The following COL8A1 variants were observed in gnomAD, a reference collection of about 807,000 sequenced individuals.
COL8A1 encodes the protein collagen type VIII alpha 1 chain.
In COL8A1, 21 loss-of-function variants were observed where a neutral mutation model predicts 42.7. The ratio of observed to expected loss-of-function variants is 0.49; its 90% CI spans 0.35 to 0.71. The LOEUF (loss-of-function observed/expected upper bound fraction) is 0.71. Ranked by LOEUF, COL8A1 falls within the 30% of genes least tolerant of loss-of-function variation. The probability of loss-of-function intolerance (pLI) is 0.01; values close to 1 mark genes in which losing one functional copy is unlikely to be tolerated. For synonymous variants in COL8A1, 367 were observed against 369.1 expected (o/e 0.99, Z 0.06); for missense variants, 788 against 962.4 (o/e 0.82, Z 2.40).
rs1241409228 is a variant in COL8A1 at position 99,660,505 on chromosome 3, C to T, written c.-129+21841C>T. Among the ~76,000 whole-genome samples, 4 of 152,110 alleles carry T rather than the reference C, an allele frequency of 2.6e-5. No homozygotes were observed. In the South Asian group the frequency reaches 6.2e-4, roughly 24 times the overall value. Reference sequence around the variant, plus strand: ...GCCTAGCCTTTCCAGCCCCTAAAACCGGAAGTCTGTGGTGGTGCAAGGGGG... The same window carrying T: ...GCCTAGCCTTTCCAGCCCCTAAAACTGGAAGTCTGTGGTGGTGCAAGGGGG... On this transcript the variant is annotated intron_variant, in intron 1 of 3. Coordinates refer to ENST00000652472, the MANE Select transcript of COL8A1 (RefSeq NM_020351.4).
At chr3:99,733,088 G>A (rs1289453985) in intron 1 of COL8A1, among the ~76,000 whole-genome samples, 1 of 149,054 alleles carries the variant, frequency 6.7e-6, no homozygotes, top group South Asian at 2.1e-4. Flanking sequence ...CTGTGGCTTT[G>A]CAGGGTACAG....
At chr3:99,763,311 A>G (rs751900206) in intron 2 of COL8A1, among the ~76,000 whole-genome samples, 2 of 152,196 alleles carry the variant, frequency 1.3e-5, no homozygotes, top group Non-Finnish European at 2.9e-5. Flanking sequence ...AAGACAAAAT[A>G]AGCAGAAGTC....
Position 99,693,337 on chromosome 3 carries a change from T to G in COL8A1, c.-128-51560T>G, listed in dbSNP as rs1340716944. Among the ~76,000 whole-genome samples the G allele has an allele frequency of 4.6e-5, 7 of 152,376 alleles. 1 individual carries two copies. The highest frequency in any genetic ancestry group is 1.0e-4 in the Non-Finnish European group (7 of 68,042). ...TAGAGTGTACTCCTTCTAAATATAT[T>G]TAAAAAAGTTAACTGTAAAACAGCC... On this transcript the variant is annotated intron_variant, in intron 1 of 3. Coordinates refer to ENST00000652472, the MANE Select transcript of COL8A1 (RefSeq NM_020351.4).
intron 1 of COL8A1, among the ~76,000 whole-genome samples, chr3:99,645,620 G>GCGGATCGAAGC (rs1184696319): frequency 6.6e-6 from 1 of 151,752 alleles, no homozygotes; most frequent in Non-Finnish European, 1.5e-5. Flanking sequence ...CGGATCGAAG[G>GCGGATCGAAGC]CAGAGCAAAG....
chr3:99,751,097 C>A (rs950733006), intron 2 of COL8A1, among the ~76,000 whole-genome samples: 2 of 152,138 alleles, frequency 1.3e-5, no homozygotes, highest in Non-Finnish European at 2.9e-5. Context: ...CTTATAATTT[C>A]TTTCATGAAT....
At chr3:99,762,640 G>A (rs1941385922) in intron 2 of COL8A1, among the ~76,000 whole-genome samples, 1 of 152,174 alleles carries the variant, frequency 6.6e-6, no homozygotes, top group Admixed American at 6.5e-5. Flanking sequence ...CCAGCAAACA[G>A]CTGTTCCCTA....
chr3:99,677,744 C>T (rs1266779278), intron 1 of COL8A1: 1 of 152,108 alleles, frequency 6.6e-6, no homozygotes, highest in Admixed American at 6.5e-5. Flanking sequence ...TCTTTTTACT[C>T]CTCCAGACGT....
intron 1 of COL8A1, among the ~76,000 whole-genome samples, chr3:99,739,288 G>A (rs1403672278): frequency 6.6e-6 from 1 of 152,134 alleles, no homozygotes; most frequent in African/African-American, 2.4e-5. Flanking sequence ...AGTATCTGTG[G>A]CTTTTCCAGG....
intron 1 of COL8A1, among the ~76,000 whole-genome samples, chr3:99,639,555 C>T (rs2280504): frequency 0.32 from 48,906 of 152,072 alleles, 8,638 homozygotes; most frequent in African/African-American, 0.46. Flanking sequence ...ACCTACCTGA[C>T]TGGCATCCAA....
intron 1 of COL8A1, among the ~76,000 whole-genome samples, chr3:99,648,822 AGAT>A (rs1320273989): frequency 6.6e-6 from 1 of 152,212 alleles, no homozygotes; most frequent in African/African-American, 2.4e-5. Flanking sequence ...AACCGTAGCC[AGAT>A]GATGACAGTA....
chr3:99,662,238 C>T (rs140228891), intron 1 of COL8A1, among the ~76,000 whole-genome samples: 2 of 152,034 alleles, frequency 1.3e-5, no homozygotes, highest in Admixed American at 6.6e-5. Flanking sequence ...AAAAATTAGC[C>T]AGGCGTGGTG....
chr3:99,787,887 C>G (rs1370005829), intron 2 of COL8A1, among the ~76,000 whole-genome samples: 1 of 151,846 alleles, frequency 6.6e-6, no homozygotes. Flanking sequence ...CACACCCACA[C>G]ACACACACAC....
At chr3:99,680,526 G>A (rs1330786004) in intron 1 of COL8A1, 1 of 152,150 alleles carries the variant, frequency 6.6e-6, no homozygotes, top group African/African-American at 2.4e-5. Flanking sequence ...TGGGATGGCT[G>A]GGTCAAATGG....
rs1332092192 is a variant in COL8A1 at position 99,773,836 on chromosome 3, TA to T, written c.-3-16843del. Among the ~76,000 whole-genome samples, 762 of 79,468 alleles carry T rather than the reference TA, an allele frequency of 9.6e-3. 5 individuals are homozygous for T. The highest frequency in any genetic ancestry group is 0.027 in the African/African-American group (449 of 16,894). 52.1% of individuals were successfully genotyped at this position (79,468 alleles called of 152,430 possible). ...GTGTGTATATATATATATATATATA[TA>T]TTTTTTTTTTTTTTTTTTTTTTTTT... On this transcript the variant is annotated intron_variant, in intron 2 of 3. Transcript: ENST00000652472.
intron 1 of COL8A1, among the ~76,000 whole-genome samples, chr3:99,702,326 G>A (rs778909675): frequency 1.3e-4 from 20 of 152,192 alleles, no homozygotes; most frequent in Non-Finnish European, 2.6e-4. Flanking sequence ...AGAAAAGAGA[G>A]ATGAAGTATG....
At chr3:99,664,909 C>T (rs1938317770) in intron 1 of COL8A1, among the ~76,000 whole-genome samples, 1 of 152,182 alleles carries the variant, frequency 6.6e-6, no homozygotes, top group Non-Finnish European at 1.5e-5. Context: ...GTGCGCCTCT[C>T]CACTGCATTT....
intron 1 of COL8A1, among the ~76,000 whole-genome samples, chr3:99,640,664 G>C (rs1021019060): frequency 3.9e-5 from 6 of 152,320 alleles, no homozygotes; most frequent in African/African-American, 1.4e-4. Context: ...AAATAACTGA[G>C]TGAGATCATC....
intron 1 of COL8A1, among the ~76,000 whole-genome samples, chr3:99,658,193 C>T (rs1384123559): frequency 6.6e-6 from 1 of 152,036 alleles, no homozygotes; most frequent in African/African-American, 2.4e-5. Flanking sequence ...GAAACCATCT[C>T]AGGCCTTCAT....
intron 1 of COL8A1, among the ~76,000 whole-genome samples, chr3:99,738,075 A>G (rs1403952187): frequency 6.6e-6 from 1 of 152,080 alleles, no homozygotes; most frequent in Non-Finnish European, 1.5e-5. Context: ...TTTCAGCTCC[A>G]TCAGGTCCTT....
Sources: gnomAD v4.1 joint callset for allele counts (sites outside exome capture counted in the v4.1 genomes callset) on GRCh38, gnomAD v4.1.1 for gene constraint, MANE v1.5 for transcripts, NCBI Gene and HGNC (gene_info 2026-07-23, HGNC 2026-07-21) for gene names.